Variants in KLHL15 observed in about 807,000 individuals in gnomAD.
KLHL15 encodes kelch-like protein 15.
In KLHL15, 1 loss-of-function variant was observed where a neutral mutation model predicts 29.3. That is an observed-to-expected ratio of 0.03 (90% CI 0.01 to 0.16). The LOEUF is 0.16. Among genes scored for constraint, KLHL15 ranks in the 10% least tolerant of loss-of-function variants. The pLI, the probability that KLHL15 is intolerant of heterozygous loss-of-function variation, is 1.00. For synonymous variants in KLHL15, 212 were observed against 184.5 expected (o/e 1.15, Z -1.21); for missense variants, 215 against 478.5 (o/e 0.45, Z 5.14).
At chrX:23,998,512 G>A (rs989355480) in intron 3 of KLHL15, among the ~76,000 whole-genome samples, 2 of 110,457 alleles carry the variant, frequency 1.8e-5, no homozygotes, top group African/African-American at 6.6e-5. Flanking sequence ...CCGCCTCGGC[G>A]TCCCAAAGTG....
At chrX:23,992,027 T>A (rs1273140504) in intron 3 of KLHL15, among the ~76,000 whole-genome samples, 1 of 111,921 alleles carries the variant, frequency 8.9e-6, no homozygotes, top group Non-Finnish European at 1.9e-5. Flanking sequence ...AAATTAAATA[T>A]TTAAGTGCCT....
chrX:24,006,422 T>C lies in KLHL15; in HGVS notation c.272A>G (p.Tyr91Cys), dbSNP rs755040003. The part of the protein sequence containing the change: ...GFSHVLQFMY[Y>C]GTIELSMNTV... ...ATTCATACTCAGCTCTATAGTTCCA[T>C]AGTACATAAATTGCAGGACATGGCT... The change falls in exon 3 of 4, where the codon TAT becomes TGT. Residue 91 changes from tyrosine (Y) to cysteine (C), a missense_variant. Coordinates refer to ENST00000328046, the MANE Select transcript of KLHL15 (RefSeq NM_030624.3). 9 of 1,209,922 alleles carry C rather than the reference T, an allele frequency of 7.4e-6. No homozygotes were observed. The highest frequency in any genetic ancestry group is 7.0e-5 in the African/African-American group (4 of 57,218).
At chrX:24,019,185 A>G (rs113176885) in intron 2 of KLHL15, among the ~76,000 whole-genome samples, 9,961 of 111,887 alleles carry the variant, frequency 0.089, 451 homozygotes, top group Non-Finnish European at 0.13. Flanking sequence ...CACTCTTTTC[A>G]CCAAGTTCTT....
At chrX:23,997,152 T>C (rs1348252726) in intron 3 of KLHL15, among the ~76,000 whole-genome samples, 1 of 101,563 alleles carries the variant, frequency 9.8e-6, no homozygotes, top group African/African-American at 3.9e-5. Context: ...AAGAGAGTTT[T>C]AGCACAATTT....
chrX:23,999,582 G>A (rs1419928481), intron 3 of KLHL15, among the ~76,000 whole-genome samples: 18 of 81,207 alleles, frequency 2.2e-4, no homozygotes, highest in Admixed American at 6.8e-4. Flanking sequence ...GCGAAAGAGC[G>A]AGACTCCGTC....
chrX:24,019,343 G>A (rs1394820506), intron 2 of KLHL15, among the ~76,000 whole-genome samples: 1 of 111,268 alleles, frequency 9.0e-6, no homozygotes, highest in African/African-American at 3.3e-5. Context: ...TGCAACCTCT[G>A]CTCCGGGGTT....
chrX:23,991,314 T>C (rs1326186048), intron 3 of KLHL15, among the ~76,000 whole-genome samples: 1 of 100,073 alleles, frequency 1.0e-5, no homozygotes, highest in East Asian at 3.3e-4. Context: ...GATTGCGCCA[T>C]TGCACTCCAG....
At chrX:24,005,745 ACT>A in intron 3 of KLHL15, among the ~76,000 whole-genome samples, 1 of 112,225 alleles carries the variant, frequency 8.9e-6, no homozygotes, top group Non-Finnish European at 1.9e-5. Context: ...TTAAAATAAA[ACT>A]GTTTTACTAC....
rs1928949111 is a variant in KLHL15 at position 23,984,370 on chromosome X, C to T, written c.*3551G>A. 9.0e-6 allele frequency: 1 copy of T among 111,038 alleles called. No homozygotes were observed. Among genetic ancestry groups the T allele is most frequent in the Non-Finnish European group, 1.9e-5 (1 of 52,786 alleles). The allele number at this position is 111,038 out of a possible 1,213,427, so 9.2% of individuals were successfully genotyped here. On this transcript the variant is annotated 3_prime_UTR_variant, in exon 4 of 4. Coordinates refer to ENST00000328046, the MANE Select transcript of KLHL15 (RefSeq NM_030624.3). Reference sequence around the variant, plus strand: ...TTTTAGAAGATATTTATTCCCAAACCAACTCTAAATGTAATTGAACAAACA... The same window carrying T: ...TTTTAGAAGATATTTATTCCCAAACTAACTCTAAATGTAATTGAACAAACA...
rs1928968916 is a variant in KLHL15, at chrX:23,985,452, G to C, written c.*2469C>G. ...CATGGATTTAAAATAACCTAAATTA[G>C]AACTACATATAAACAGGGAGTTTTC... On this transcript the variant is annotated 3_prime_UTR_variant, in exon 4 of 4. Coordinates refer to ENST00000328046, the MANE Select transcript of KLHL15 (RefSeq NM_030624.3). The C allele has an allele frequency of 8.9e-6, 1 of 111,851 alleles. No homozygotes were observed. Among genetic ancestry groups the C allele is most frequent in the Non-Finnish European group, 1.9e-5 (1 of 53,092 alleles). The allele number at this position is 111,851 out of a possible 1,213,427, so 9.2% of individuals were successfully genotyped here.
intron 2 of KLHL15, among the ~76,000 whole-genome samples, chrX:24,013,521 C>G (rs1367559985): frequency 9.0e-6 from 1 of 110,628 alleles, no homozygotes; most frequent in Non-Finnish European, 1.9e-5. Flanking sequence ...GCCTCGGCCT[C>G]CCAAAGTGCT....
intron 3 of KLHL15, among the ~76,000 whole-genome samples, chrX:23,997,103 C>T (rs757277473): frequency 3.7e-4 from 40 of 107,515 alleles, no homozygotes; most frequent in Non-Finnish European, 6.8e-4. Context: ...AGTAAAGTGA[C>T]CAGGGTAAAT....
chrX:24,019,423 T>C (rs1254907178), intron 2 of KLHL15, among the ~76,000 whole-genome samples: 1 of 110,375 alleles, frequency 9.1e-6, no homozygotes, highest in Non-Finnish European at 1.9e-5. Context: ...GCCCAGCTCA[T>C]TTTTTTATTT....
chrX:23,986,898 C>G lies in KLHL15; in HGVS notation c.*1023G>C, dbSNP rs949136760. The G allele has an allele frequency of 2.7e-5, 3 of 111,926 alleles. No homozygotes were observed. The highest frequency in any genetic ancestry group is 9.7e-5 in the African/African-American group (3 of 30,806). The allele number at this position is 111,926 out of a possible 1,213,427, so 9.2% of individuals were successfully genotyped here. A position where few individuals can be genotyped will look rare whatever the true frequency, so the allele number is the denominator to read the frequency against. On this transcript the variant is annotated 3_prime_UTR_variant, in exon 4 of 4. Transcript: ENST00000328046. ...AGGAGTCTGGTATTACCTAAATGCTCTTTAAAAGTGCTTGCATGCTGCAGG... is the reference window on the plus strand; with the variant it reads ...AGGAGTCTGGTATTACCTAAATGCTGTTTAAAAGTGCTTGCATGCTGCAGG...
chrX:23,998,665 A>G (rs370774150), intron 3 of KLHL15, among the ~76,000 whole-genome samples: 1 of 112,025 alleles, frequency 8.9e-6, no homozygotes, highest in Admixed American at 9.5e-5. Context: ...GCCAAATAAA[A>G]GGTTTCATCC....
chrX:24,004,727 T>C (rs1466917487), intron 3 of KLHL15, among the ~76,000 whole-genome samples: 1 of 108,371 alleles, frequency 9.2e-6, no homozygotes, highest in Non-Finnish European at 1.9e-5. Flanking sequence ...GAGGCAGAGT[T>C]TGCAGCGAGC....
chrX:24,014,286 T>C (rs753673795), intron 2 of KLHL15, among the ~76,000 whole-genome samples: 59 of 111,293 alleles, frequency 5.3e-4, no homozygotes, highest in African/African-American at 1.9e-3. Flanking sequence ...GATTTAATAA[T>C]AGAAGGCTGG....
intron 2 of KLHL15, among the ~76,000 whole-genome samples, chrX:24,008,895 A>T (rs1438140871): frequency 9.0e-6 from 1 of 110,610 alleles, no homozygotes; most frequent in South Asian, 3.8e-4. Context: ...AAAACAAAAA[A>T]AAAACTTTTA....
chrX:24,001,964 T>C (rs1305558263), intron 3 of KLHL15, among the ~76,000 whole-genome samples: 1 of 106,406 alleles, frequency 9.4e-6, no homozygotes, highest in Non-Finnish European at 1.9e-5. Context: ...AAACCCCGTC[T>C]CTACTAAAAA....
Sources: gnomAD v4.1 joint callset for allele counts (sites outside exome capture counted in the v4.1 genomes callset) on GRCh38, gnomAD v4.1.1 for gene constraint, MANE v1.5 for transcripts, NCBI Gene and HGNC (gene_info 2026-07-23, HGNC 2026-07-21) for gene names.